GALK2: variants seen among roughly 807,000 people sequenced by gnomAD.
The protein encoded by GALK2 is N-acetylgalactosamine kinase.
GALK2 carries 36 observed loss-of-function variants against 52.4 expected under a neutral mutation model. The ratio of observed to expected loss-of-function variants is 0.69; its 90% CI spans 0.53 to 0.91. The LOEUF (loss-of-function observed/expected upper bound fraction) is 0.91. Ranked by LOEUF, GALK2 falls within the 40% of genes least tolerant of loss-of-function variation. The pLI is 0.00. For synonymous variants in GALK2, 176 were observed against 199.1 expected, an observed-to-expected ratio of 0.88 and a Z score of 0.98; for missense variants, 579 against 559.1, an observed-to-expected ratio of 1.04 and a Z score of -0.36.
At chr15:49,274,711 T>C (rs190661451) in intron 5 of GALK2, among the ~76,000 whole-genome samples, 1 of 152,348 alleles carries the variant, frequency 6.6e-6, no homozygotes, top group Non-Finnish European at 1.5e-5. Flanking sequence ...GTACAAAGTG[T>C]TTCTTTATAT....
chr15:49,329,489 A>G lies in GALK2; in HGVS notation c.*1330A>G. On this transcript the variant is annotated 3_prime_UTR_variant, in exon 10 of 10. Transcript: ENST00000560031. ...TTTAACTCACAGATTGGGCATCACC[A>G]TCTAGAATTTCAGTTTAAGGGAGGC... The G allele has an allele frequency of 1.0e-6, 1 of 985,334 alleles. No homozygotes were observed. The highest frequency in any genetic ancestry group is 1.2e-6 in the Non-Finnish European group (1 of 829,818). The allele number at this position is 985,334 out of a possible 1,614,324, so 61.0% of individuals were successfully genotyped here.
At chr15:49,319,121 T>C (rs938567712) in intron 8 of GALK2, 21 of 366,616 alleles carry the variant, frequency 5.7e-5, no homozygotes, top group African/African-American at 4.5e-4. Flanking sequence ...GCCCAGGTAA[T>C]TTTTGTACTT....
chr15:49,156,594 A>G, intron 1 of GALK2: 1 of 517,936 alleles, frequency 1.9e-6, no homozygotes, highest in African/African-American at 1.9e-5. Context: ...CAGGAGCCAA[A>G]GAAATTCAGA....
intron 5 of GALK2, among the ~76,000 whole-genome samples, chr15:49,276,224 A>C (rs1011757171): frequency 3.9e-5 from 6 of 152,230 alleles, no homozygotes. Flanking sequence ...CAAGTGTAAG[A>C]GCAAAAGAAA....
chr15:49,207,789 T>C (rs913292672), intron 2 of GALK2, among the ~76,000 whole-genome samples: 3 of 152,180 alleles, frequency 2.0e-5, no homozygotes, highest in Admixed American at 1.3e-4. Context: ...TTTCTTTTCT[T>C]TTTTTGAGAC....
chr15:49,232,261 C>G (rs2090543160), intron 3 of GALK2, among the ~76,000 whole-genome samples: 1 of 152,182 alleles, frequency 6.6e-6, no homozygotes, highest in Non-Finnish European at 1.5e-5. Flanking sequence ...GAAGCAGCAG[C>G]CTGAGCTGTA....
At chr15:49,176,134 T>A (rs900962803) in intron 1 of GALK2, among the ~76,000 whole-genome samples, 3 of 152,274 alleles carry the variant, frequency 2.0e-5, no homozygotes, top group African/African-American at 7.2e-5. Flanking sequence ...GACATGAATA[T>A]GGCACTTTAG....
chr15:49,231,302 A>G (rs2090489988), intron 3 of GALK2, among the ~76,000 whole-genome samples: 1 of 152,168 alleles, frequency 6.6e-6, no homozygotes, highest in Non-Finnish European at 1.5e-5. Flanking sequence ...TACACAACCA[A>G]GTCAAGTGAG....
At chr15:49,234,203 A>G (rs1566963287) in intron 3 of GALK2, among the ~76,000 whole-genome samples, 1 of 152,088 alleles carries the variant, frequency 6.6e-6, no homozygotes, top group African/African-American at 2.4e-5. Flanking sequence ...TTAGGAGCCT[A>G]TTTATTTATC....
At chr15:49,181,417 T>C (rs1325139327) in intron 1 of GALK2, among the ~76,000 whole-genome samples, 2 of 151,788 alleles carry the variant, frequency 1.3e-5, no homozygotes, top group Admixed American at 1.3e-4. Flanking sequence ...CTTTTAAATT[T>C]CTTAAGGCCA....
chr15:49,255,514 G>T (rs1434178381), intron 5 of GALK2, among the ~76,000 whole-genome samples: 1 of 142,722 alleles, frequency 7.0e-6, no homozygotes, highest in Non-Finnish European at 1.6e-5. Flanking sequence ...TTGTCAGACG[G>T]TTGCCTTATT....
intron 3 of GALK2, chr15:49,344,088 A>G (rs1259707709): frequency 6.6e-6 from 1 of 152,222 alleles, no homozygotes; most frequent in South Asian, 2.1e-4. Flanking sequence ...CTCATTTTAA[A>G]TAATTGAAGC....
At chr15:49,331,895 A>G (rs753944085), downstream of GALK2, 2 of 1,102,368 alleles carry the variant, frequency 1.8e-6, no homozygotes, top group African/African-American at 3.1e-5. Context: ...AATTGTCCTT[A>G]TATTGACACC....
intron 3 of GALK2, among the ~76,000 whole-genome samples, chr15:49,219,685 C>T (rs1333391635): frequency 1.3e-5 from 2 of 152,128 alleles, no homozygotes; most frequent in African/African-American, 4.8e-5. Flanking sequence ...GTGGCATGCA[C>T]CTGTAATCCC....
At chr15:49,239,490 G>A in intron 5 of GALK2, 123 bp downstream of exon 5, 1 of 835,080 alleles carries the variant, frequency 1.2e-6, no homozygotes, top group Non-Finnish European at 1.9e-6. Flanking sequence ...TGCACATGTG[G>A]GCAAGCATTG....
chr15:49,197,774 A>T (rs914450944), intron 1 of GALK2, among the ~76,000 whole-genome samples: 3 of 152,144 alleles, frequency 2.0e-5, no homozygotes, highest in Admixed American at 6.6e-5. Context: ...TTTATCTACC[A>T]GATATTTTTC....
chr15:49,361,381 G>A (rs1323090562), intron 3 of GALK2, among the ~76,000 whole-genome samples: 1 of 151,832 alleles, frequency 6.6e-6, no homozygotes, highest in Non-Finnish European at 1.5e-5. Context: ...GCAGTTTTTT[G>A]ATCCTCACCC....
At chr15:49,305,148 GT>G in intron 8 of GALK2, among the ~76,000 whole-genome samples, 1 of 152,240 alleles carries the variant, frequency 6.6e-6, no homozygotes, top group Middle Eastern at 3.4e-3. Flanking sequence ...TCTACCTACT[GT>G]GCCATTTGTT....
At chr15:49,175,867 G>C (rs991268948) in intron 1 of GALK2, among the ~76,000 whole-genome samples, 2 of 152,150 alleles carry the variant, frequency 1.3e-5, no homozygotes, top group Non-Finnish European at 2.9e-5. Context: ...CTAATTACCA[G>C]TGTATGCATC....
Sources: gnomAD v4.1 joint callset for allele counts (sites outside exome capture counted in the v4.1 genomes callset) on GRCh38, gnomAD v4.1.1 for gene constraint, MANE v1.5 for transcripts, NCBI Gene and HGNC (gene_info 2026-07-23, HGNC 2026-07-21) for gene names.